DYNC2I1: variants seen among roughly 807,000 people sequenced by gnomAD.
DYNC2I1 encodes cytoplasmic dynein 2 intermediate chain 1.
In DYNC2I1, 89 loss-of-function variants were observed where a neutral mutation model predicts 133.4. The observed-to-expected ratio is 0.67, with a 90% CI of 0.56 to 0.80. DYNC2I1 has a LOEUF of 0.80. DYNC2I1 is among the 30% of genes least tolerant of loss of function. DYNC2I1 has a pLI of 0.00. For synonymous variants in DYNC2I1, 504 were observed against 484.3 expected (o/e 1.04, Z -0.54); for missense variants, 1,291 against 1,314.5 (o/e 0.98, Z 0.28).
intron 16 of DYNC2I1, among the ~76,000 whole-genome samples, chr7:158,922,860 G>A (rs911716593): frequency 2.6e-5 from 4 of 152,040 alleles, no homozygotes; most frequent in African/African-American, 9.7e-5. Context: ...GTGTAGCTCT[G>A]GGGCCCTAGA....
intron 20 of DYNC2I1, among the ~76,000 whole-genome samples, chr7:158,928,118 A>T (rs1045611322): frequency 2.6e-5 from 4 of 152,332 alleles, no homozygotes; most frequent in Admixed American, 2.6e-4. Flanking sequence ...GGGTTTGGGC[A>T]GAGCAGAAGT....
At chr7:158,954,015 G>A (rs73514568) in intron 4 of DYNC2I1, among the ~76,000 whole-genome samples, 2,811 of 152,230 alleles carry the variant, frequency 0.018, 90 homozygotes, top group African/African-American at 0.063. Context: ...GAGGGATCTG[G>A]TGGGAAGTAA....
intron 15 of DYNC2I1, among the ~76,000 whole-genome samples, chr7:158,921,598 C>T (rs77147216): frequency 0.018 from 2,794 of 152,076 alleles, 40 homozygotes; most frequent in Non-Finnish European, 0.029. Context: ...GCGATTGTGA[C>T]GAGGTGGAAG....
At chr7:158,870,541 TA>T (rs1330168697) in intron 2 of DYNC2I1, among the ~76,000 whole-genome samples, 1 of 151,868 alleles carries the variant, frequency 6.6e-6, no homozygotes, top group East Asian at 1.9e-4. Context: ...TTTAATTTTT[TA>T]ATTTTTTGCG....
At chr7:158,885,522 G>GGTAGAGATGGAGTTT (rs1289384299) in intron 6 of DYNC2I1, among the ~76,000 whole-genome samples, 1 of 151,846 alleles carries the variant, frequency 6.6e-6, no homozygotes, top group Non-Finnish European at 1.5e-5. Flanking sequence ...TTGTATTTTT[G>GGTAGAGATGGAGTTT]GTAGAGATGG....
chr7:158,876,713 G>T (rs1033231358), intron 4 of DYNC2I1, 22 bp downstream of exon 4: 5 of 1,529,460 alleles, frequency 3.3e-6, no homozygotes, highest in Non-Finnish European at 4.4e-6. Context: ...AAGGCCTGGG[G>T]AAAAGTTTTC....
chr7:158,922,932 GTGGAGGTTTCTTAGACTGCA>G (rs1849242445), intron 16 of DYNC2I1, among the ~76,000 whole-genome samples: 3 of 152,208 alleles, frequency 2.0e-5, no homozygotes, highest in South Asian at 4.2e-4. Flanking sequence ...CTTAGACTGC[GTGGAGGTTTCTTAGACTGCA>G]TGGAGGTTTC....
At position 158,923,733 on chromosome 7, in the gene DYNC2I1, G is replaced by C; in HGVS notation, c.2257G>C (p.Asp753His). The C allele has an allele frequency of 2.5e-6, 4 of 1,604,416 alleles. No individual in the cohort carries two copies. The highest frequency in any genetic ancestry group is 1.3e-5 in the African/African-American group (1 of 74,718). ...GTTCCGGACCGCCACGTTTTCCACCGGTCAGTGTCATCTGCCTGCCAATTG... is the reference window on the plus strand; with the variant it reads ...GTTCCGGACCGCCACGTTTTCCACCCGTCAGTGTCATCTGCCTGCCAATTG... ...WTFRTATFST[D>H]GILTSVNHRS... The change falls in exon 17 of 25, where the codon GAT becomes CAT. Residue 753 changes from aspartate (D) to histidine (H), a missense_variant and splice_region_variant. Transcript: ENST00000407559.
intron 23 of DYNC2I1, among the ~76,000 whole-genome samples, chr7:158,935,042 G>A (rs2129487971): frequency 6.6e-6 from 1 of 152,352 alleles, no homozygotes; most frequent in Non-Finnish European, 1.5e-5. Context: ...GAATTTAACA[G>A]AAGAATATGA....
intron 15 of DYNC2I1, among the ~76,000 whole-genome samples, chr7:158,920,930 T>A (rs992164433): frequency 6.6e-6 from 1 of 151,882 alleles, no homozygotes; most frequent in African/African-American, 2.4e-5. Flanking sequence ...CGTCCTCATC[T>A]CTATTAAAAC....
At position 158,930,493 on chromosome 7, in the gene DYNC2I1, G is replaced by T; in HGVS notation, c.2524G>T (p.Ala842Ser). 6.2e-7 allele frequency: 1 copy of T among 1,613,060 alleles called. No homozygotes were observed. The highest frequency in any genetic ancestry group is 2.2e-5 in the East Asian group (1 of 44,872). ...PGGRVKLVHS[A>S]LIQLGDSLSH... ...AGGGAGGGTCAAGCTGGTACATAGT[G>T]CTCTGATCCAGTTGGGTGACAGGTA... Residue 842 changes from alanine (A) to serine (S), a missense_variant, in exon 21 of 25, where the codon GCT (alanine) becomes TCT (serine). By Grantham distance (99) the Ala-to-Ser change is moderately conservative. Coordinates refer to ENST00000407559, the MANE Select transcript of DYNC2I1 (RefSeq NM_018051.5).
the DYNC2I1 span, among the ~76,000 whole-genome samples, chr7:158,849,093 G>A: frequency 1.3e-5 from 2 of 152,138 alleles, no homozygotes; most frequent in East Asian, 3.9e-4. Context: ...GATAAAGATT[G>A]ACAAAAGGCC....
the DYNC2I1 span, among the ~76,000 whole-genome samples, chr7:158,839,560 C>T: frequency 1.3e-5 from 2 of 152,204 alleles, no homozygotes; most frequent in Admixed American, 6.5e-5. Flanking sequence ...TGGTTCACGC[C>T]TGTAATCCCA....
chr7:158,897,694 G>A (rs1359193898), intron 8 of DYNC2I1, among the ~76,000 whole-genome samples: 1 of 152,094 alleles, frequency 6.6e-6, no homozygotes, highest in Admixed American at 6.5e-5. Flanking sequence ...AAAAAAGACA[G>A]CTTTTGATTT....
rs561764274 is a variant in DYNC2I1 at position 158,939,964 on chromosome 7, T to C, written c.2779-1961T>C. Among the ~76,000 whole-genome samples, 7 of 152,314 alleles carry C rather than the reference T, an allele frequency of 4.6e-5. No individual in the cohort carries two copies. The South Asian group carries it at 1.4e-3, about 32-fold the overall frequency. On this transcript the variant is annotated intron_variant, in intron 23 of 24. Coordinates refer to ENST00000407559, the MANE Select transcript of DYNC2I1 (RefSeq NM_018051.5). ...GATATAACAGTTACAAGTATCTATG[T>C]ACCCAACACCAGAGCTCCCAAGTAT...
intron 23 of DYNC2I1, among the ~76,000 whole-genome samples, chr7:158,941,277 C>A (rs1446528692): frequency 2.6e-5 from 4 of 152,154 alleles, no homozygotes; most frequent in Admixed American, 2.6e-4. Context: ...ATTATTGACA[C>A]AAATGTATGT....
intron 6 of DYNC2I1, among the ~76,000 whole-genome samples, chr7:158,885,446 ATTC>A (rs1481662342): frequency 2.0e-5 from 3 of 151,136 alleles, no homozygotes; most frequent in Non-Finnish European, 2.9e-5. Flanking sequence ...GGTTCAAGCT[ATTC>A]TTCTGCCTCA....
chr7:158,949,774 CTTTTT>C (rs10573905), downstream of DYNC2I1, among the ~76,000 whole-genome samples: 1 of 146,882 alleles, frequency 6.8e-6, no homozygotes, highest in Non-Finnish European at 1.5e-5. Flanking sequence ...TTCATTTTTC[CTTTTT>C]TTTTTTTTTC....
At position 158,879,721 on chromosome 7, in the gene DYNC2I1, A is replaced by C. The variant is rs1417862768; in HGVS notation, c.611A>C (p.Tyr204Ser). 2 of 1,598,068 alleles carry C rather than the reference A, an allele frequency of 1.3e-6. No homozygotes were observed. Among genetic ancestry groups the C allele is most frequent in the Non-Finnish European group, 1.7e-6 (2 of 1,175,974 alleles). The change falls in exon 5 of 25, where the codon TAC becomes TCC. Residue 204 changes from tyrosine to serine, a missense_variant. Transcript: ENST00000407559. Reference protein sequence around the residue: ...YGDSKDNPLKYWLYKEEGERR... With the variant: ...YGDSKDNPLKSWLYKEEGERR... ...GACAGCAAGGACAACCCTCTCAAGT[A>C]CTGGCTTTATAAAGAAGAAGGCGAG...
Sources: allele counts gnomAD v4.1 joint callset (sites outside exome capture counted in the v4.1 genomes callset), GRCh38; gene constraint gnomAD v4.1.1; transcripts MANE v1.5; gene names NCBI Gene and HGNC (gene_info 2026-07-23, HGNC 2026-07-21).